Variants in TBC1D19 observed in about 807,000 individuals in gnomAD.
TBC1D19 encodes TBC1 domain family, member 19.
Under a neutral mutation model 89.0 loss-of-function variants are expected in TBC1D19, and 60 were observed. The ratio of observed to expected loss-of-function variants is 0.67; its 90% CI spans 0.55 to 0.84. The LOEUF is 0.84. Among genes scored for constraint, TBC1D19 ranks in the 40% least tolerant of loss-of-function variants. The pLI is 0.00. For synonymous variants in TBC1D19, 189 were observed against 199.7 expected (o/e 0.95, Z 0.45); for missense variants, 500 against 610.8 (o/e 0.82, Z 1.91).
At chr4:26,633,854 T>C (rs566329045) in intron 4 of TBC1D19, among the ~76,000 whole-genome samples, 2 of 152,304 alleles carry the variant, frequency 1.3e-5, no homozygotes, top group South Asian at 2.1e-4. Context: ...TTTGTTATCT[T>C]GACATTTTTA....
chr4:26,651,231 A>G (rs756457821), intron 7 of TBC1D19, among the ~76,000 whole-genome samples: 2 of 152,300 alleles, frequency 1.3e-5, no homozygotes, highest in Non-Finnish European at 2.9e-5. Flanking sequence ...ACTTTATGGT[A>G]GTATTTTCCA....
Position 26,699,625 on chromosome 4 carries a change from A to G in TBC1D19, c.954+11218A>G, listed in dbSNP as rs546893017. 6.2e-4 allele frequency among the ~76,000 whole-genome samples: 94 copies of G among 152,294 alleles called. 1 individual carries two copies. The highest frequency in any genetic ancestry group is 1.1e-3 in the Non-Finnish European group (77 of 68,020). On this transcript the variant is annotated intron_variant, in intron 13 of 20. Coordinates refer to ENST00000264866, the MANE Select transcript of TBC1D19 (RefSeq NM_018317.4). ...CTTGCAACCAACCCAAATGTCCAAC[A>G]ATTGTAGACTGGATTAAGAAAATGT...
the TBC1D19 span, among the ~76,000 whole-genome samples, chr4:26,791,482 T>C: frequency 6.6e-6 from 1 of 152,084 alleles, no homozygotes; most frequent in Non-Finnish European, 1.5e-5. Flanking sequence ...ATCTGATTTA[T>C]GGATTGAAAG....
rs565103508 is a variant in TBC1D19 at position 26,587,421 on chromosome 4, T to A, written c.99+3129T>A. On this transcript the variant is annotated intron_variant, in intron 1 of 20. Transcript: ENST00000264866. ...GGCAAAACCCTATCTCCACAAAAAA[T>A]ACAAAAATTAGCCAGTGTGGCAGTG... 1.3e-4 allele frequency among the ~76,000 whole-genome samples: 20 copies of A among 151,870 alleles called. No individual in the cohort carries two copies. The South Asian group carries it at 3.7e-3, about 28-fold the overall frequency.
intron 17 of TBC1D19, among the ~76,000 whole-genome samples, chr4:26,742,033 G>A (rs1263399952): frequency 2.0e-5 from 3 of 152,182 alleles, no homozygotes; most frequent in Non-Finnish European, 4.4e-5. Context: ...AGTGAGAAAA[G>A]CAGGCAGTAT....
At chr4:26,708,460 C>A (rs1715900785) in intron 13 of TBC1D19, among the ~76,000 whole-genome samples, 1 of 151,980 alleles carries the variant, frequency 6.6e-6, no homozygotes. Flanking sequence ...TCTTTGAATT[C>A]ATCTTACATG....
intron 3 of TBC1D19, among the ~76,000 whole-genome samples, chr4:26,619,340 G>C (rs932939103): frequency 6.6e-6 from 1 of 152,006 alleles, no homozygotes; most frequent in South Asian, 2.1e-4. Flanking sequence ...CAGTAGCTGG[G>C]ACTATAGGCA....
chr4:26,686,109 C>T (rs537996488), intron 12 of TBC1D19, among the ~76,000 whole-genome samples: 6 of 151,754 alleles, frequency 4.0e-5, no homozygotes, highest in East Asian at 3.9e-4. Context: ...TGAAGTCAGC[C>T]GTTAAGGGAA....
chr4:26,853,198 G>C, the TBC1D19 span, among the ~76,000 whole-genome samples: 2 of 152,116 alleles, frequency 1.3e-5, no homozygotes, highest in Admixed American at 6.5e-5. Context: ...AGATACTCTA[G>C]CTAGATCGAT....
At chr4:26,784,748 G>A in the TBC1D19 span, among the ~76,000 whole-genome samples, 2 of 152,206 alleles carry the variant, frequency 1.3e-5, no homozygotes, top group Non-Finnish European at 2.9e-5. Context: ...CTCTTGGAGA[G>A]CAGGTTCATG....
intron 19 of TBC1D19, among the ~76,000 whole-genome samples, chr4:26,751,726 C>G (rs1330299612): frequency 6.6e-6 from 1 of 152,134 alleles, no homozygotes; most frequent in African/African-American, 2.4e-5. Flanking sequence ...TCTCTAGTCC[C>G]CTAGAAAAGT....
chr4:26,842,016 G>A, the TBC1D19 span, among the ~76,000 whole-genome samples: 1 of 152,202 alleles, frequency 6.6e-6, no homozygotes, highest in Non-Finnish European at 1.5e-5. Flanking sequence ...GAGAGATCTT[G>A]GAGGAAAGGG....
At chr4:26,804,591 C>T in the TBC1D19 span, among the ~76,000 whole-genome samples, 1 of 152,154 alleles carries the variant, frequency 6.6e-6, no homozygotes, top group Non-Finnish European at 1.5e-5. Flanking sequence ...AGCCCAGAAG[C>T]GAAAGAGGTC....
the TBC1D19 span, among the ~76,000 whole-genome samples, chr4:26,795,184 C>A: frequency 1.3e-5 from 2 of 152,186 alleles, no homozygotes; most frequent in African/African-American, 4.8e-5. Context: ...GCTACCCTCA[C>A]ACAGGCAGGC....
intron 15 of TBC1D19, among the ~76,000 whole-genome samples, chr4:26,721,409 C>T (rs1186502332): frequency 3.3e-5 from 5 of 151,996 alleles, no homozygotes; most frequent in Admixed American, 6.6e-5. Flanking sequence ...TAATAAGTCG[C>T]GAGGACCTTC....
chr4:26,673,444 T>TACACACACACAC (rs149722432), intron 10 of TBC1D19, among the ~76,000 whole-genome samples: 146 of 78,344 alleles, frequency 1.9e-3, no homozygotes, highest in African/African-American at 6.4e-3. Context: ...TATATATATA[T>TACACACACACAC]ATACACACAC....
At chr4:26,579,752 ATACGGTGTT>A (rs113380290), upstream of TBC1D19, among the ~76,000 whole-genome samples, 2,729 of 151,834 alleles carry the variant, frequency 0.018, 87 homozygotes, top group African/African-American at 0.063. Flanking sequence ...GAGTAAGAAC[ATACGGTGTT>A]TGGTTTTCTG....
the TBC1D19 span, among the ~76,000 whole-genome samples, chr4:26,818,004 G>A: frequency 0.29 from 35,905 of 122,566 alleles, 6,009 homozygotes; most frequent in Middle Eastern, 0.44. Context: ...ATATATATAT[G>A]AATAGTATTC....
At chr4:26,821,089 C>T in the TBC1D19 span, among the ~76,000 whole-genome samples, 4 of 152,208 alleles carry the variant, frequency 2.6e-5, no homozygotes, top group East Asian at 1.9e-4. Context: ...GAAGAAAGGA[C>T]GTTTGCAATC....
Sources: allele counts gnomAD v4.1 joint callset (sites outside exome capture counted in the v4.1 genomes callset), GRCh38; gene constraint gnomAD v4.1.1; transcripts MANE v1.5; gene names NCBI Gene and HGNC (gene_info 2026-07-23, HGNC 2026-07-21).